The following BTF3L4 variants were observed in gnomAD, a reference collection of about 807,000 sequenced individuals.
BTF3L4 encodes transcription factor BTF3 homolog 4.
A neutral mutation model predicts 16.8 loss-of-function variants in BTF3L4; 6 were observed. The ratio of observed to expected loss-of-function variants is 0.36; its 90% CI spans 0.20 to 0.71. The LOEUF is 0.71. Among genes scored for constraint, BTF3L4 ranks in the 30% least tolerant of loss-of-function variants. BTF3L4 has a pLI of 0.58. For synonymous variants in BTF3L4, 39 were observed against 59.8 expected, an observed-to-expected ratio of 0.65 and a Z score of 1.60; for missense variants, 92 against 186.9, an observed-to-expected ratio of 0.49 and a Z score of 2.96.
At chr1:52,066,989 C>T (rs1344878962) in intron 3 of BTF3L4, among the ~76,000 whole-genome samples, 2 of 152,126 alleles carry the variant, frequency 1.3e-5, no homozygotes, top group Non-Finnish European at 2.9e-5. Context: ...GTAATCCCAG[C>T]ACTTTGGGAG....
In BTF3L4 at chr1:52,090,653, T is replaced by G. The variant is rs1644010286; in HGVS notation, c.*3895T>G. On this transcript the variant is annotated 3_prime_UTR_variant, in exon 6 of 6. Coordinates refer to ENST00000313334, the MANE Select transcript of BTF3L4 (RefSeq NM_152265.5). ...TCGTAGTGCCCAATGTGTAGTTTAC[T>G]CAACATCATAATATGTAATGTTTTT... The G allele has an allele frequency of 6.6e-6, 1 of 152,182 alleles. No homozygotes were observed. The highest frequency in any genetic ancestry group is 6.6e-5 in the Admixed American group (1 of 15,264). 9.4% of individuals were successfully genotyped at this position (152,182 alleles called of 1,614,324 possible). A position where few individuals can be genotyped will look rare whatever the true frequency, so the allele number is the denominator to read the frequency against.
intron 2 of BTF3L4, chr1:52,060,694 C>A: frequency 1.1e-6 from 1 of 924,012 alleles, no homozygotes; most frequent in Non-Finnish European, 1.3e-6. Context: ...GTGGGTCCCA[C>A]TGTGTCATTT....
At chr1:52,078,444 G>A (rs1256693969) in intron 3 of BTF3L4, among the ~76,000 whole-genome samples, 9 of 151,944 alleles carry the variant, frequency 5.9e-5, no homozygotes, top group Non-Finnish European at 1.0e-4. Context: ...TAGATATTGG[G>A]GGAAATACTA....
intron 5 of BTF3L4, 84 bp from the exon 6 acceptor site, chr1:52,086,628 C>T (rs1009507134): frequency 2.8e-5 from 22 of 773,208 alleles, no homozygotes; most frequent in East Asian, 5.4e-5. Context: ...TTTATTTTTT[C>T]GGGGGTTAGA....
intron 3 of BTF3L4, among the ~76,000 whole-genome samples, chr1:52,069,843 A>G (rs1427674567): frequency 6.6e-6 from 1 of 152,172 alleles, no homozygotes. Context: ...AATGTCACTA[A>G]CATTAGTACT....
intron 3 of BTF3L4, among the ~76,000 whole-genome samples, chr1:52,076,542 C>T (rs1048946529): frequency 1.6e-5 from 2 of 124,722 alleles, no homozygotes; most frequent in Non-Finnish European, 3.4e-5. Flanking sequence ...TGCAGTGAGC[C>T]GAGATCGCAC....
rs1408984971 is a variant in BTF3L4 at position 52,086,049 on chromosome 1, CATT to C, written c.371-60_371-58del. ...ATTTATACAGGAAAAAAGGGATAAA[CATT>C]ATAAGTTTTCTTTAAGGTCTTTGTT... On this transcript the variant is annotated intron_variant, in intron 4 of 5. Transcript: ENST00000313334. 4.4e-6 allele frequency: 5 copies of C among 1,137,666 alleles called. No homozygotes were observed. The African/African-American group carries it at 4.7e-5, about 11-fold the overall frequency. The allele number at this position is 1,137,666 out of a possible 1,614,324, so 70.5% of individuals were successfully genotyped here. A position where few individuals can be genotyped will look rare whatever the true frequency, so the allele number is the denominator to read the frequency against.
chr1:52,086,014 ACT>A (rs751475103), intron 4 of BTF3L4, 96 bp from the exon 5 acceptor site: 169 of 697,838 alleles, frequency 2.4e-4, no homozygotes, highest in Non-Finnish European at 3.3e-4. Context: ...TTTCTGAGCA[ACT>A]CTGTGTGATT....
At chr1:52,062,739 T>A (rs1410233729) in intron 2 of BTF3L4, among the ~76,000 whole-genome samples, 7 of 152,156 alleles carry the variant, frequency 4.6e-5, no homozygotes, top group Non-Finnish European at 8.8e-5. Context: ...GGCGAACAAT[T>A]GAGACGCTAT....
At chr1:52,066,549 G>A (rs894718597) in intron 3 of BTF3L4, among the ~76,000 whole-genome samples, 2 of 145,794 alleles carry the variant, frequency 1.4e-5, no homozygotes, top group African/African-American at 5.0e-5. Context: ...ACTGCCATAA[G>A]TTAAATTTAA....
Position 52,086,325 on chromosome 1 carries a change from A to G in BTF3L4, c.430+154A>G, listed in dbSNP as rs550354642. The G allele has an allele frequency of 1.5e-5, 8 of 537,132 alleles. No homozygotes were observed. The Admixed American group carries it at 3.0e-4, about 20-fold the overall frequency. 33.3% of individuals were successfully genotyped at this position (537,132 alleles called of 1,614,324 possible). On this transcript the variant is annotated intron_variant, in intron 5 of 5. Coordinates refer to ENST00000313334, the MANE Select transcript of BTF3L4 (RefSeq NM_152265.5). Reference sequence around the variant, plus strand: ...GATAGGATCTAATGAAAAACAACGTAAGCACCCACCTTAGAACCTAGAATC... The same window carrying G: ...GATAGGATCTAATGAAAAACAACGTGAGCACCCACCTTAGAACCTAGAATC...
Position 52,087,743 on chromosome 1 carries a change from G to T in BTF3L4, c.*985G>T, listed in dbSNP as rs974141938. 35 of 152,612 alleles carry T rather than the reference G, an allele frequency of 2.3e-4. No homozygotes were observed. Among genetic ancestry groups the T allele is most frequent in the African/African-American group, 8.4e-4 (35 of 41,432 alleles). 9.5% of individuals were successfully genotyped at this position (152,612 alleles called of 1,614,324 possible). A position where few individuals can be genotyped will look rare whatever the true frequency, so the allele number is the denominator to read the frequency against. On this transcript the variant is annotated 3_prime_UTR_variant, in exon 6 of 6. Coordinates refer to ENST00000313334, the MANE Select transcript of BTF3L4 (RefSeq NM_152265.5). ...CTTAACAGCAGGTACAAAAATGCCT[G>T]TTTTTCAGCAAGGTTGAAATTGGGA...
rs1227969804 is a variant in BTF3L4, at chr1:52,089,726, C to T, written c.*2968C>T. ...GTTTTTGTTTTTGTTCTTTGTAAAG[C>T]GCCTTATCTGTTTTGGACAAGTCCA... is the stretch of plus-strand genomic sequence containing the variant. On this transcript the variant is annotated 3_prime_UTR_variant, in exon 6 of 6. Coordinates refer to ENST00000313334, the MANE Select transcript of BTF3L4 (RefSeq NM_152265.5). The T allele has an allele frequency of 2.6e-5, 4 of 151,872 alleles. No individual in the cohort carries two copies. Among genetic ancestry groups the T allele is most frequent in the East Asian group, 1.9e-4 (1 of 5,186 alleles). The allele number at this position is 151,872 out of a possible 1,614,324, so 9.4% of individuals were successfully genotyped here. A position where few individuals can be genotyped will look rare whatever the true frequency, so the allele number is the denominator to read the frequency against.
At chr1:52,066,029 A>G (rs1686638950) in intron 3 of BTF3L4, among the ~76,000 whole-genome samples, 1 of 152,018 alleles carries the variant, frequency 6.6e-6, no homozygotes, top group Non-Finnish European at 1.5e-5. Context: ...CAGAGTGAGC[A>G]TCCGTCTCAA....
chr1:52,082,084 T>C (rs1226541891), intron 3 of BTF3L4, among the ~76,000 whole-genome samples: 2 of 152,188 alleles, frequency 1.3e-5, no homozygotes, highest in African/African-American at 4.8e-5. Context: ...GTAAGCATGT[T>C]ACCCCACAAG....
In BTF3L4 at chr1:52,056,385, A is replaced by AC. The variant is rs1224093270; in HGVS notation, c.-14+11dup. On this transcript the variant is annotated splice_region_variant and intron_variant, in intron 1 of 5. Coordinates refer to ENST00000313334, the MANE Select transcript of BTF3L4 (RefSeq NM_152265.5). ...GAGGACCCTCCCTGCTTCAGGTGAGACCCCCGGCGGTCCCGCCACTTCACG... is the reference window on the plus strand; with the variant it reads ...GAGGACCCTCCCTGCTTCAGGTGAGACCCCCCGGCGGTCCCGCCACTTCACG... The AC allele has an allele frequency of 1.3e-5, 2 of 152,746 alleles. No individual in the cohort carries two copies. Among genetic ancestry groups the AC allele is most frequent in the South Asian group, 1.9e-4 (1 of 5,334 alleles). 9.5% of individuals were successfully genotyped at this position (152,746 alleles called of 1,614,324 possible).
intron 3 of BTF3L4, among the ~76,000 whole-genome samples, chr1:52,071,526 T>C (rs1686786114): frequency 6.6e-6 from 1 of 152,356 alleles, no homozygotes; most frequent in South Asian, 2.1e-4. Context: ...GCTGATTCTC[T>C]GTGATGAGTT....
intron 2 of BTF3L4, among the ~76,000 whole-genome samples, chr1:52,063,103 A>G (rs1024469117): frequency 6.6e-6 from 1 of 152,106 alleles, no homozygotes; most frequent in East Asian, 1.9e-4. Context: ...GGGGACCTCT[A>G]TTATATGGGA....
At chr1:52,060,294 CTAT>C (rs1686477697) in intron 2 of BTF3L4, 3 of 303,990 alleles carry the variant, frequency 9.9e-6, no homozygotes, top group Non-Finnish European at 1.9e-5. Flanking sequence ...TAAATTATAG[CTAT>C]TATTATGGTT....
Sources: allele counts gnomAD v4.1 joint callset (sites outside exome capture counted in the v4.1 genomes callset), GRCh38; gene constraint gnomAD v4.1.1; transcripts MANE v1.5; gene names NCBI Gene and HGNC (gene_info 2026-07-23, HGNC 2026-07-21).